Variants in LRRC72 observed in about 807,000 individuals in gnomAD.
LRRC72 encodes the protein leucine-rich repeat-containing protein 72.
LRRC72 carries 41 observed loss-of-function variants against 35.8 expected under a neutral mutation model. The observed-to-expected ratio is 1.15, with a 90% CI of 0.89 to 1.49. LRRC72 has a LOEUF of 1.49. Ranked by LOEUF, LRRC72 falls within the 40% of genes most tolerant of loss-of-function variation. The probability of loss-of-function intolerance (pLI) is 0.00; values close to 1 mark genes in which losing one functional copy is unlikely to be tolerated. For missense variants in LRRC72, 389 were observed against 330.7 expected, an observed-to-expected ratio of 1.18 and a Z score of -1.37; for synonymous variants, 118 against 119.2, an observed-to-expected ratio of 0.99 and a Z score of 0.07.
intron 1 of LRRC72, among the ~76,000 whole-genome samples, chr7:16,529,962 T>C (rs897494618): frequency 6.6e-6 from 1 of 152,240 alleles, no homozygotes; most frequent in Admixed American, 6.5e-5. Context: ...TGACTTTTGC[T>C]AGTAATTTGA....
chr7:16,528,325 T>C (rs1340138413), intron 1 of LRRC72, among the ~76,000 whole-genome samples: 1 of 152,126 alleles, frequency 6.6e-6, no homozygotes, highest in Non-Finnish European at 1.5e-5. Flanking sequence ...TCTGCACAGC[T>C]GCCCTGATGA....
intron 3 of LRRC72, among the ~76,000 whole-genome samples, chr7:16,545,375 G>A (rs1236683475): frequency 6.6e-6 from 1 of 152,144 alleles, no homozygotes; most frequent in Admixed American, 6.5e-5. Flanking sequence ...TATTTTTAAT[G>A]TGCGGTTATA....
intron 5 of LRRC72, among the ~76,000 whole-genome samples, chr7:16,562,585 T>TA (rs1398383105): frequency 6.6e-6 from 1 of 152,208 alleles, no homozygotes; most frequent in Non-Finnish European, 1.5e-5. Context: ...AGAGAGGGTC[T>TA]CCATGTTTCC....
At chr7:16,543,439 T>C (rs1782394206) in intron 3 of LRRC72, among the ~76,000 whole-genome samples, 1 of 152,244 alleles carries the variant, frequency 6.6e-6, no homozygotes, top group African/African-American at 2.4e-5. Flanking sequence ...ATTCACTTAT[T>C]CAATCCACAA....
At chr7:16,548,413 G>A (rs1049573256) in intron 3 of LRRC72, among the ~76,000 whole-genome samples, 1 of 152,220 alleles carries the variant, frequency 6.6e-6, no homozygotes, top group African/African-American at 2.4e-5. Flanking sequence ...GAAGAGCTGA[G>A]GCCCTTTGGG....
Position 16,537,684 on chromosome 7 carries a change from T to C in LRRC72, c.222T>C (p.Leu74=). 6.7e-7 allele frequency: 1 copy of C among 1,499,986 alleles called. No individual in the cohort carries two copies. Among genetic ancestry groups the C allele is most frequent in the East Asian group, 2.5e-5 (1 of 40,158 alleles). 92.9% of individuals were successfully genotyped at this position (1,499,986 alleles called of 1,614,324 possible). A position where few individuals can be genotyped will look rare whatever the true frequency, so the allele number is the denominator to read the frequency against. The change falls in exon 3 of 9, where the codon CTT becomes CTC. Residue 74 remains leucine, a synonymous_variant. Coordinates refer to ENST00000401542, the MANE Select transcript of LRRC72 (RefSeq NM_001195280.2). ...SRFKKLKYLW[L]HHNKLHGITF... ...TTAAAAAATTAAAATACTTATGGCT[T>C]CATCATAACAAGGTAGTGTTTTATT...
chr7:16,548,470 T>G (rs958357109), intron 3 of LRRC72, among the ~76,000 whole-genome samples: 1 of 152,210 alleles, frequency 6.6e-6, no homozygotes, highest in Non-Finnish European at 1.5e-5. Flanking sequence ...GACACCCTCC[T>G]TAGGGTTCTG....
intron 3 of LRRC72, among the ~76,000 whole-genome samples, chr7:16,552,600 C>G (rs544647008): frequency 1.8e-4 from 27 of 152,292 alleles, no homozygotes; most frequent in Middle Eastern, 3.4e-3. Context: ...TATCTAGCTT[C>G]TGCTGAAAAG....
At chr7:16,577,028 C>T (rs1783054251) in intron 7 of LRRC72, among the ~76,000 whole-genome samples, 2 of 152,192 alleles carry the variant, frequency 1.3e-5, no homozygotes, top group East Asian at 1.9e-4. Flanking sequence ...ATCAACGGCT[C>T]AGGAAATCAA....
intron 3 of LRRC72, 112 bp from the exon 4 acceptor site, chr7:16,557,248 A>G (rs953801492): frequency 6.2e-5 from 17 of 274,726 alleles, no homozygotes; most frequent in Non-Finnish European, 1.1e-4. Flanking sequence ...TCAAACTTTT[A>G]TTATCTTATT....
At position 16,578,750 on chromosome 7, in the gene LRRC72, A is replaced by C. The variant is rs148541629; in HGVS notation, c.671-1324A>C. Among the ~76,000 whole-genome samples, 6 of 152,346 alleles carry C rather than the reference A, an allele frequency of 3.9e-5. No individual in the cohort carries two copies. In the East Asian group the frequency reaches 9.6e-4, roughly 24 times the overall value. ...TTTATTGTTTATATTCATTGTAAGTAAAGTATGCGCTTTTTGTAATTAAAA... is the reference window on the plus strand; with the variant it reads ...TTTATTGTTTATATTCATTGTAAGTCAAGTATGCGCTTTTTGTAATTAAAA... On this transcript the variant is annotated intron_variant, in intron 7 of 8. Transcript: ENST00000401542.
Position 16,581,457 on chromosome 7 carries a change from A to C in LRRC72, c.832A>C (p.Thr278Pro), listed in dbSNP as rs980639400. ...ERYLEEEGTE[T>P]AQMLTVTLR ...GTACCTTGAAGAGGAAGGCACAGAAACAGCTCAAATGCTCACAGTTACACT... is the reference window on the plus strand; with the variant it reads ...GTACCTTGAAGAGGAAGGCACAGAACCAGCTCAAATGCTCACAGTTACACT... The change falls in exon 9 of 9, where the codon ACA becomes CCA. Residue 278 changes from threonine (T) to proline (P), a missense_variant. By Grantham distance (38) the Thr-to-Pro change is conservative. Coordinates refer to ENST00000401542, the MANE Select transcript of LRRC72 (RefSeq NM_001195280.2). 8 of 1,550,110 alleles carry C rather than the reference A, an allele frequency of 5.2e-6. No individual in the cohort carries two copies. In the African/African-American group the frequency reaches 5.5e-5, roughly 11 times the overall value.
intron 5 of LRRC72, among the ~76,000 whole-genome samples, chr7:16,565,343 C>T (rs185534523): frequency 3.4e-3 from 511 of 150,896 alleles, no homozygotes; most frequent in Non-Finnish European, 5.4e-3. Flanking sequence ...TGAATCAGGA[C>T]AATTGCTTGA....
chr7:16,579,357 T>C (rs718796), intron 7 of LRRC72, among the ~76,000 whole-genome samples: 12,337 of 152,224 alleles, frequency 0.081, 564 homozygotes, highest in African/African-American at 0.13. Flanking sequence ...GGAATAATGC[T>C]ATGAATTCAA....
chr7:16,571,826 T>A (rs1337002153), intron 7 of LRRC72, among the ~76,000 whole-genome samples: 1 of 152,100 alleles, frequency 6.6e-6, no homozygotes, highest in Non-Finnish European at 1.5e-5. Flanking sequence ...CAGTGGCACC[T>A]GGAATGCCAG....
At chr7:16,558,751 T>C (rs1179207393) in intron 4 of LRRC72, 138 bp from the exon 5 acceptor site, 1 of 328,570 alleles carries the variant, frequency 3.0e-6, no homozygotes, top group African/African-American at 2.2e-5. Flanking sequence ...TAGTTATTCC[T>C]TCTTTAACCA....
intron 7 of LRRC72, among the ~76,000 whole-genome samples, chr7:16,571,978 A>AAGTCGACCTG (rs1458181581): frequency 2.6e-5 from 4 of 152,180 alleles, no homozygotes; most frequent in African/African-American, 9.7e-5. Context: ...CAACAGTCTG[A>AAGTCGACCTG]AGTCGACCTG....
At chr7:16,558,645 A>G (rs1247109377) in intron 4 of LRRC72, among the ~76,000 whole-genome samples, 2 of 152,060 alleles carry the variant, frequency 1.3e-5, no homozygotes, top group Admixed American at 1.3e-4. Flanking sequence ...AAACAATGAC[A>G]GTGGAAAGAA....
intron 3 of LRRC72, among the ~76,000 whole-genome samples, chr7:16,547,694 G>C (rs888864595): frequency 6.6e-6 from 1 of 152,234 alleles, no homozygotes; most frequent in Non-Finnish European, 1.5e-5. Flanking sequence ...ACACACTTGA[G>C]GCAATGCTGG....
Sources: gnomAD v4.1 joint callset for allele counts (sites outside exome capture counted in the v4.1 genomes callset) on GRCh38, gnomAD v4.1.1 for gene constraint, MANE v1.5 for transcripts, NCBI Gene and HGNC (gene_info 2026-07-23, HGNC 2026-07-21) for gene names.